The following LRRC17 variants were observed in gnomAD, a reference collection of about 807,000 sequenced individuals.
LRRC17 encodes the protein leucine rich repeat containing 17.
LRRC17 carries 33 observed loss-of-function variants against 41.5 expected under a neutral mutation model. The observed-to-expected ratio is 0.80, with a 90% CI of 0.60 to 1.06. The LOEUF (loss-of-function observed/expected upper bound fraction) is 1.06, where lower values mean the gene tolerates loss of function less well. Among genes scored for constraint, LRRC17 ranks in the 50% least tolerant of loss-of-function variants. LRRC17 has a pLI of 0.00. For synonymous variants in LRRC17, 192 were observed against 197.0 expected, an observed-to-expected ratio of 0.97 and a Z score of 0.21; for missense variants, 491 against 519.3, an observed-to-expected ratio of 0.95 and a Z score of 0.53.
At chr7:102,942,671 C>T (rs1821687789) in intron 3 of LRRC17, among the ~76,000 whole-genome samples, 1 of 152,118 alleles carries the variant, frequency 6.6e-6, no homozygotes, top group South Asian at 2.1e-4. Context: ...CTTCAGAACA[C>T]AAGGGCTGAT....
intron 1 of LRRC17, among the ~76,000 whole-genome samples, chr7:102,931,171 C>T (rs1220692758): frequency 6.6e-6 from 1 of 152,136 alleles, no homozygotes; most frequent in African/African-American, 2.4e-5. Flanking sequence ...AAGCAAAGAG[C>T]AAATGCACAA....
intron 1 of LRRC17, 130 bp from the exon 2 acceptor site, chr7:102,933,644 G>C (rs1003727509): frequency 4.2e-6 from 1 of 238,858 alleles, no homozygotes; most frequent in African/African-American, 2.3e-5. Context: ...ACTAAGAGGG[G>C]AAGGAGCTTT....
At chr7:102,926,518 G>A in intron 1 of LRRC17, 1 of 613,354 alleles carries the variant, frequency 1.6e-6, no homozygotes, top group South Asian at 2.1e-5. Context: ...CTACTATTAG[G>A]TTGAAATGAA....
At chr7:102,935,242 C>CTTTTTTTTTTTTTTTTT (rs71106700) in intron 2 of LRRC17, among the ~76,000 whole-genome samples, 15 of 76,416 alleles carry the variant, frequency 2.0e-4, no homozygotes, top group African/African-American at 7.5e-4. Flanking sequence ...TTTTTTCTTT[C>CTTTTTTTTTTTTTTTTT]TTTTTTTTTT....
intron 1 of LRRC17, among the ~76,000 whole-genome samples, chr7:102,922,345 AT>A (rs1057279144): frequency 4.0e-5 from 6 of 151,878 alleles, no homozygotes; most frequent in African/African-American, 9.7e-5. Context: ...TCATGACCAT[AT>A]TTTTTTTATT....
At chr7:102,915,138 T>TTG (rs1181514471) in intron 1 of LRRC17, among the ~76,000 whole-genome samples, 2 of 151,460 alleles carry the variant, frequency 1.3e-5, no homozygotes, top group Non-Finnish European at 2.9e-5. Context: ...TTTTTTTTTT[T>TTG]TTTTACACTG....
intron 3 of LRRC17, among the ~76,000 whole-genome samples, chr7:102,940,186 G>T (rs1186844223): frequency 6.6e-6 from 1 of 150,888 alleles, no homozygotes; most frequent in Non-Finnish European, 1.5e-5. Context: ...GAGCCACCGC[G>T]CCTGGCCAAA....
At chr7:102,928,335 T>C (rs1818521076) in intron 1 of LRRC17, among the ~76,000 whole-genome samples, 1 of 152,220 alleles carries the variant, frequency 6.6e-6, no homozygotes, top group Non-Finnish European at 1.5e-5. Flanking sequence ...GTACCTACAT[T>C]GCAGAATGAC....
chr7:102,933,873 C>T lies in LRRC17; in HGVS notation c.-41C>T, dbSNP rs1208395862. ...TTTCAAAGGAATACTTTCATTGTTC[C>T]GTCTGTAACACGAAGTAATTGGGGC... On this transcript the variant is annotated 5_prime_UTR_variant, in exon 2 of 4. Coordinates refer to ENST00000339431, the MANE Select transcript of LRRC17 (RefSeq NM_001031692.3). The T allele has an allele frequency of 6.6e-7, 1 of 1,524,028 alleles. No homozygotes were observed. Among genetic ancestry groups the T allele is most frequent in the African/African-American group, 1.4e-5 (1 of 72,710 alleles). The allele number at this position is 1,524,028 out of a possible 1,614,324, so 94.4% of individuals were successfully genotyped here.
intron 1 of LRRC17, among the ~76,000 whole-genome samples, chr7:102,923,988 C>T (rs897894054): frequency 6.6e-6 from 1 of 151,846 alleles, no homozygotes; most frequent in Non-Finnish European, 1.5e-5. Context: ...ACTTGTAATC[C>T]CAGCACTTTG....
At chr7:102,934,944 G>GT (rs2129473868) in intron 2 of LRRC17, among the ~76,000 whole-genome samples, 1 of 152,270 alleles carries the variant, frequency 6.6e-6, no homozygotes, top group Non-Finnish European at 1.5e-5. Flanking sequence ...TTTGCACATC[G>GT]CAAGCTGTCA....
chr7:102,922,627 A>G (rs1426506115), intron 1 of LRRC17, among the ~76,000 whole-genome samples: 5 of 152,194 alleles, frequency 3.3e-5, no homozygotes, highest in African/African-American at 1.2e-4. Flanking sequence ...GTTTTCATTG[A>G]CTTTTGTCAA....
Position 102,933,964 on chromosome 7 carries a change from G to A in LRRC17, c.51G>A (p.Glu17=), listed in dbSNP as rs753177179. The change falls in exon 2 of 4, where the codon GAG becomes GAA. Residue 17 remains glutamate (E), a synonymous_variant. Coordinates refer to ENST00000339431, the MANE Select transcript of LRRC17 (RefSeq NM_001031692.3). ...TGCTCTGCTTTTGCAAAGCGGCTGA[G>A]CTGCGCAAAGCAAGCCCAGGCAGTG... The part of the protein sequence containing the change: ...VILLCFCKAA[E]LRKASPGSVR... The A allele has an allele frequency of 2.5e-6, 4 of 1,613,964 alleles. No individual in the cohort carries two copies. The highest frequency in any genetic ancestry group is 2.5e-6 in the Non-Finnish European group (3 of 1,179,894).
At chr7:102,938,390 C>A (rs1437159402) in intron 2 of LRRC17, among the ~76,000 whole-genome samples, 3 of 152,172 alleles carry the variant, frequency 2.0e-5, no homozygotes, top group Non-Finnish European at 4.4e-5. Flanking sequence ...TGTCTCTTTT[C>A]TTACTGCTAC....
chr7:102,924,646 T>C (rs1228259868), intron 1 of LRRC17, among the ~76,000 whole-genome samples: 3 of 148,510 alleles, frequency 2.0e-5, no homozygotes, highest in African/African-American at 4.9e-5. Context: ...CTTTTCTTTT[T>C]TTTTTTTTTT....
At chr7:102,930,146 T>C (rs1291707333) in intron 1 of LRRC17, among the ~76,000 whole-genome samples, 2 of 152,074 alleles carry the variant, frequency 1.3e-5, no homozygotes, top group Non-Finnish European at 2.9e-5. Context: ...GAGTAGAATT[T>C]TGAAAGAAAA....
chr7:102,944,550 A>G lies in LRRC17; in HGVS notation c.1269A>G (p.Lys423=). The stretch of plus-strand genomic sequence containing the variant: ...ACACAGAAGATGATGAATGGGAAAA[A>G]AAACATAGAGATCACACCGCAAAGA... The part of the protein sequence containing the change: ...DQDTEDDEWE[K]KHRDHTAKKQ... The change falls in exon 4 of 4, where the codon AAA becomes AAG. Residue 423 remains lysine, a synonymous_variant. Transcript: ENST00000339431. The G allele has an allele frequency of 6.2e-7, 1 of 1,613,548 alleles. No homozygotes were observed. Among genetic ancestry groups the G allele is most frequent in the Non-Finnish European group, 8.5e-7 (1 of 1,179,890 alleles).
intron 3 of LRRC17, among the ~76,000 whole-genome samples, chr7:102,940,832 C>T (rs1821289526): frequency 6.6e-6 from 1 of 152,206 alleles, no homozygotes; most frequent in African/African-American, 2.4e-5. Flanking sequence ...ATATATAACA[C>T]AAGTGCTTTC....
chr7:102,926,293 T>A, intron 1 of LRRC17: 1 of 1,613,788 alleles, frequency 6.2e-7, no homozygotes, highest in South Asian at 1.1e-5. Flanking sequence ...AGTCGCATCG[T>A]CCTGTTGGTG....
Sources: gnomAD v4.1 joint callset for allele counts (sites outside exome capture counted in the v4.1 genomes callset) on GRCh38, gnomAD v4.1.1 for gene constraint, MANE v1.5 for transcripts, NCBI Gene and HGNC (gene_info 2026-07-23, HGNC 2026-07-21) for gene names.